Variants in PRKN observed in about 807,000 individuals in gnomAD.
PRKN encodes E3 ubiquitin-protein ligase parkin.
Under a neutral mutation model 59.5 loss-of-function variants are expected in PRKN, and 56 were observed. The observed-to-expected ratio is 0.94, with a 90% CI of 0.76 to 1.18. The LOEUF is 1.18. Ranked by LOEUF, PRKN falls within the 50% of genes most tolerant of loss-of-function variation. The pLI is 0.00. For synonymous variants in PRKN, 250 were observed against 222.1 expected, an observed-to-expected ratio of 1.13 and a Z score of -1.12; for missense variants, 657 against 596.4, an observed-to-expected ratio of 1.10 and a Z score of -1.06.
At chr6:162,328,518 A>C (rs1385538725) in intron 2 of PRKN, among the ~76,000 whole-genome samples, 1 of 152,212 alleles carries the variant, frequency 6.6e-6, no homozygotes, top group Non-Finnish European at 1.5e-5. Flanking sequence ...ATGGGTGAAT[A>C]AGAAACAGCT....
chr6:162,727,070 GTTTC>G (rs1779257309), intron 1 of PRKN: 1 of 152,044 alleles, frequency 6.6e-6, no homozygotes, highest in Non-Finnish European at 1.5e-5. Flanking sequence ...TACTCTTAAT[GTTTC>G]TTTCATCTCA....
intron 6 of PRKN, among the ~76,000 whole-genome samples, chr6:161,930,971 T>G (rs111891168): frequency 6.6e-6 from 1 of 152,250 alleles, no homozygotes; most frequent in African/African-American, 2.4e-5. Flanking sequence ...AACGTAACTC[T>G]GCCAACACCT....
At chr6:161,416,165 A>T (rs1787839498) in intron 9 of PRKN, among the ~76,000 whole-genome samples, 1 of 152,126 alleles carries the variant, frequency 6.6e-6, no homozygotes, top group Non-Finnish European at 1.5e-5. Flanking sequence ...TTTTACTGGG[A>T]CACAGCCACA....
intron 4 of PRKN, among the ~76,000 whole-genome samples, chr6:162,146,511 A>C (rs558863769): frequency 6.6e-6 from 1 of 150,386 alleles, no homozygotes; most frequent in African/African-American, 2.4e-5. Context: ...TATATATATA[A>C]ATTTTTTTTT....
At position 161,545,301 on chromosome 6, in the gene PRKN, C is replaced by A. The variant is rs373539796; in HGVS notation, c.1083+3553G>T. On this transcript the variant is annotated intron_variant, in intron 9 of 11. Transcript: ENST00000366898. This position sits in a 1 kb window ranked among gnomAD's most constrained non-coding sequence, Gnocchi z 4.1. ...TCCTGATAATCACTGGAGTTAATGACGTCTAGGGCTTTTTCCACATCTGGA... is the reference window on the plus strand; with the variant it reads ...TCCTGATAATCACTGGAGTTAATGAAGTCTAGGGCTTTTTCCACATCTGGA... 13 of 1,554,070 alleles carry A rather than the reference C, an allele frequency of 8.4e-6. No individual in the cohort carries two copies. In the South Asian group the frequency reaches 1.4e-4, roughly 17 times the overall value.
In PRKN at chr6:161,467,260, T is replaced by C. The variant is rs1790525356; in HGVS notation, c.1084-80383A>G. 2.0e-5 allele frequency among the ~76,000 whole-genome samples: 3 copies of C among 152,334 alleles called. No individual in the cohort carries two copies. In the South Asian group the frequency reaches 6.2e-4, roughly 32 times the overall value. The stretch of plus-strand genomic sequence containing the variant: ...AAGTATAATTCACTCATTCATTCAT[T>C]CATTCACCCATTCATCAGTAAATAT... On this transcript the variant is annotated intron_variant, in intron 9 of 11. Coordinates refer to ENST00000366898, the MANE Select transcript of PRKN (RefSeq NM_004562.3). This position sits in a 1 kb window ranked among gnomAD's most constrained non-coding sequence, Gnocchi z 4.3.
chr6:162,511,681 G>A (rs1306943731), intron 1 of PRKN, among the ~76,000 whole-genome samples: 1 of 152,092 alleles, frequency 6.6e-6, no homozygotes, highest in Middle Eastern at 3.4e-3. Context: ...TAAGGGACTA[G>A]TACTCACCCC....
At chr6:162,384,907 T>G (rs996795257) in intron 2 of PRKN, among the ~76,000 whole-genome samples, 2 of 152,132 alleles carry the variant, frequency 1.3e-5, no homozygotes, top group Non-Finnish European at 2.9e-5. Context: ...TTCGAAGTCT[T>G]TATTTTCACT....
At chr6:161,977,164 G>C (rs1223106764) in intron 5 of PRKN, among the ~76,000 whole-genome samples, 1 of 152,222 alleles carries the variant, frequency 6.6e-6, no homozygotes, top group Non-Finnish European at 1.5e-5. Flanking sequence ...ATTTTACCCA[G>C]CTTGCAAGTT....
intron 6 of PRKN, among the ~76,000 whole-genome samples, chr6:161,802,056 T>C (rs928046277): frequency 1.4e-5 from 2 of 146,958 alleles, no homozygotes; most frequent in Non-Finnish European, 3.0e-5. Flanking sequence ...TTACCGAGAG[T>C]TGCAAGAATG....
At chr6:161,597,608 G>T (rs1037761566) in intron 7 of PRKN, among the ~76,000 whole-genome samples, 1 of 147,618 alleles carries the variant, frequency 6.8e-6, no homozygotes, top group South Asian at 2.2e-4. Context: ...CTCCACCCCC[G>T]ACTCTCTCTC....
chr6:162,284,425 T>C (rs969156357), intron 2 of PRKN, among the ~76,000 whole-genome samples: 13 of 151,934 alleles, frequency 8.6e-5, no homozygotes, highest in African/African-American at 2.9e-4. Context: ...GGTTTCTCCA[T>C]GTTGGTCAGG....
intron 2 of PRKN, among the ~76,000 whole-genome samples, chr6:162,404,022 T>G (rs1787934874): frequency 6.6e-6 from 1 of 152,150 alleles, no homozygotes; most frequent in African/African-American, 2.4e-5. Context: ...TTCCCTATCC[T>G]AATACATAAA....
intron 6 of PRKN, among the ~76,000 whole-genome samples, chr6:161,914,408 T>C (rs893174651): frequency 6.6e-6 from 1 of 152,178 alleles, no homozygotes; most frequent in Non-Finnish European, 1.5e-5. Context: ...TAAGTACACA[T>C]TGGGAGCTAT....
chr6:161,974,507 G>A (rs1383981941), intron 5 of PRKN, among the ~76,000 whole-genome samples: 1 of 151,916 alleles, frequency 6.6e-6, no homozygotes, highest in Non-Finnish European at 1.5e-5. Context: ...TCTCAACCAC[G>A]TTTTTTCTTC....
chr6:162,074,410 C>T (rs1444417286), intron 4 of PRKN, among the ~76,000 whole-genome samples: 33 of 143,046 alleles, frequency 2.3e-4, no homozygotes, highest in African/African-American at 7.4e-4. Context: ...TATTCTCACT[C>T]ATAGGTGGGA....
At chr6:161,869,944 G>T (rs1024350738) in intron 6 of PRKN, among the ~76,000 whole-genome samples, 1 of 152,142 alleles carries the variant, frequency 6.6e-6, no homozygotes, top group African/African-American at 2.4e-5. Flanking sequence ...GATTTCAGAA[G>T]ATTTCAGCCC....
rs764874456 is a variant in PRKN at position 161,798,339 on chromosome 6, TA to T, written c.735-12432del. Among the ~76,000 whole-genome samples the T allele has an allele frequency of 6.6e-5, 10 of 152,168 alleles. No homozygotes were observed. The East Asian group carries it at 1.4e-3, about 21-fold the overall frequency. On this transcript the variant is annotated intron_variant, in intron 6 of 11. Transcript: ENST00000366898. ...GCAGCTGGTGGTTGAGCGAGGTTTGTAAAGAGCCCTAGGAGGGTGGTGTGAG... is the reference window on the plus strand; with the variant it reads ...GCAGCTGGTGGTTGAGCGAGGTTTGTAAGAGCCCTAGGAGGGTGGTGTGAG...
intron 2 of PRKN, among the ~76,000 whole-genome samples, chr6:162,285,266 A>ATTTTTTT (rs11392809): frequency 8.3e-5 from 8 of 95,924 alleles, no homozygotes; most frequent in African/African-American, 2.8e-4. Flanking sequence ...TATTTTGGAG[A>ATTTTTTT]TTTTTTTTTT....
Sources: allele counts gnomAD v4.1 joint callset (sites outside exome capture counted in the v4.1 genomes callset), GRCh38; gene constraint gnomAD v4.1.1; non-coding constraint Gnocchi (gnomAD v3.1); transcripts MANE v1.5; gene names NCBI Gene and HGNC (gene_info 2026-07-23, HGNC 2026-07-21).